APLP1: variants seen among roughly 807,000 people sequenced by gnomAD.
APLP1 encodes the protein amyloid beta (A4) precursor-like protein 1.
Under a neutral mutation model 84.5 loss-of-function variants are expected in APLP1, and 46 were observed. The observed-to-expected ratio is 0.54, with a 90% CI of 0.43 to 0.70. The LOEUF (loss-of-function observed/expected upper bound fraction) is 0.70. APLP1 is among the 30% of genes least tolerant of loss of function. The pLI is 0.00. For synonymous variants in APLP1, 376 were observed against 364.0 expected (o/e 1.03, Z -0.38); for missense variants, 826 against 900.2 (o/e 0.92, Z 1.05).
In APLP1 at chr19:35,868,756, G is replaced by A; in HGVS notation, c.120G>A (p.Leu40=). ...GCGCGCAGCCCGCCATCGGGAGCCT[G>A]GCCGGTGGGAGCCCCGGCGCGGCCG... ...LLRAQPAIGS[L]AGGSPGAAEA... is the part of the protein sequence containing the mutation. The change falls in exon 1 of 17, where the codon CTG becomes CTA. Residue 40 remains leucine, a synonymous_variant. Coordinates refer to ENST00000221891, the MANE Select transcript of APLP1 (RefSeq NM_001024807.3). The surrounding 1 kb of genome is among the most constrained non-coding windows in gnomAD (Gnocchi z 5.2). 1 of 1,351,436 alleles carries A rather than the reference G, an allele frequency of 7.4e-7. No individual in the cohort carries two copies. Among genetic ancestry groups the A allele is most frequent in the Non-Finnish European group, 9.5e-7 (1 of 1,055,008 alleles). The allele number at this position is 1,351,436 out of a possible 1,614,324, so 83.7% of individuals were successfully genotyped here.
intron 6 of APLP1, among the ~76,000 whole-genome samples, 190 bp from the exon 7 acceptor site, chr19:35,872,293 G>A (rs1974174002): frequency 6.6e-6 from 1 of 152,136 alleles, no homozygotes; most frequent in African/African-American, 2.4e-5. Context: ...GGAAGATGGT[G>A]TAATGGATTC....
At chr19:35,871,776 TCAAGGTTC>T in intron 5 of APLP1, 31 bp downstream of exon 5, 1 of 1,613,834 alleles carries the variant, frequency 6.2e-7, no homozygotes, top group South Asian at 1.1e-5. Context: ...CATGCCCATC[TCAAGGTTC>T]CTGAGGCAGG....
At chr19:35,876,384 T>C in intron 10 of APLP1, 133 bp from the exon 11 acceptor site, 1 of 751,690 alleles carries the variant, frequency 1.3e-6, no homozygotes, top group Non-Finnish European at 2.3e-6. Flanking sequence ...TCCTAACCCT[T>C]GTACCACACA....
At chr19:35,869,417 C>T (rs1364791360) in intron 1 of APLP1, 11 of 652,306 alleles carry the variant, frequency 1.7e-5, no homozygotes, top group Non-Finnish European at 2.7e-5. Flanking sequence ...GGGGTGGGGG[C>T]GGAGTCTGTC....
chr19:35,872,963 G>A (rs932967891), intron 7 of APLP1, among the ~76,000 whole-genome samples: 5 of 151,774 alleles, frequency 3.3e-5, no homozygotes, highest in African/African-American at 1.2e-4. Context: ...GGGCTCCAGC[G>A]ATTCCCCTTC....
At position 35,868,685 on chromosome 19, in the gene APLP1, C is replaced by G; in HGVS notation, c.49C>G (p.Gln17Glu). The change falls in exon 1 of 17, where the codon CAG (glutamine) becomes GAG (glutamate). Residue 17 changes from glutamine to glutamate, a missense_variant. This residue lies in a region of APLP1 where 383 missense variants were observed against 378.3 expected (regional missense o/e 1.01). Transcript: ENST00000221891. This position sits in a 1 kb window ranked among gnomAD's most constrained non-coding sequence, Gnocchi z 5.2. ...TCGCGGTCTAAGTCGCCGCCCGGGC[C>G]AGCCGCCGCTGCCGCTGCTGCTGCC... ...AARGLSRRPG[Q>E]PPLPLLLPLL... 1 of 1,409,090 alleles carries G rather than the reference C, an allele frequency of 7.1e-7. No homozygotes were observed. Among genetic ancestry groups the G allele is most frequent in the South Asian group, 1.5e-5 (1 of 67,138 alleles). The allele number at this position is 1,409,090 out of a possible 1,614,324, so 87.3% of individuals were successfully genotyped here.
chr19:35,877,730 A>G lies in APLP1; in HGVS notation c.1457A>G (p.His486Arg). ...ATGTCCCCCTCAGAGGAACTCCTCC[A>G]CTCTGAACACCTGGGTCCCAGTGAA... ...ELRPQIQELL[H>R]SEHLGPSELE... The change falls in exon 12 of 17, where the codon CAC (histidine) becomes CGC (arginine). Residue 486 changes from histidine (H) to arginine (R), a missense_variant. By Grantham distance (29) the His-to-Arg change is conservative. Coordinates refer to ENST00000221891, the MANE Select transcript of APLP1 (RefSeq NM_001024807.3). 1 of 1,612,388 alleles carries G rather than the reference A, an allele frequency of 6.2e-7. No individual in the cohort carries two copies. Among genetic ancestry groups the G allele is most frequent in the Non-Finnish European group, 8.5e-7 (1 of 1,179,204 alleles).
In APLP1 at chr19:35,871,146, G is replaced by A; in HGVS notation, c.425-91G>A. On this transcript the variant is annotated intron_variant, in intron 3 of 16. Transcript: ENST00000221891. ...GTGCTTGTGTCCTAAGTGGGGCAGA[G>A]AAGCCTCTGAGGATAAAATATCTGG... 2.0e-6 allele frequency: 3 copies of A among 1,527,708 alleles called. No homozygotes were observed. In the South Asian group the frequency reaches 3.7e-5, roughly 19 times the overall value. The allele number at this position is 1,527,708 out of a possible 1,614,324, so 94.6% of individuals were successfully genotyped here.
At chr19:35,872,792 G>A (rs1004342236) in intron 7 of APLP1, among the ~76,000 whole-genome samples, 179 bp downstream of exon 7, 2 of 151,416 alleles carry the variant, frequency 1.3e-5, no homozygotes, top group African/African-American at 2.4e-5. Context: ...ATCCCACTGA[G>A]ACGCTACCAG....
At position 35,872,013 on chromosome 19, in the gene APLP1, A is replaced by G. The variant is rs1974165124; in HGVS notation, c.827A>G (p.His276Arg). The G allele has an allele frequency of 3.1e-6, 5 of 1,613,868 alleles. No homozygotes were observed. In the South Asian group the frequency reaches 4.4e-5, roughly 14 times the overall value. Residue 276 changes from histidine to arginine, a missense_variant, in exon 6 of 17, where the codon CAT becomes CGT. Transcript: ENST00000221891. The stretch of plus-strand genomic sequence containing the variant: ...GAAACGGTCCCACCCCCAAGCTCCC[A>G]TACACTTGCAGTGGTCGGCAAAGGT... Reference protein sequence around the residue: ...EEETVPPPSSHTLAVVGKVTP... With the variant: ...EEETVPPPSSRTLAVVGKVTP...
intron 4 of APLP1, 72 bp from the exon 5 acceptor site, chr19:35,871,540 C>A: frequency 6.3e-7 from 1 of 1,584,928 alleles, no homozygotes. Flanking sequence ...AACCCCCAAC[C>A]CTGGCAGCCC....
At chr19:35,877,658 G>A (rs1349997168) in intron 11 of APLP1, 60 bp from the exon 12 acceptor site, 3 of 1,168,928 alleles carry the variant, frequency 2.6e-6, no homozygotes, top group African/African-American at 1.6e-5. Context: ...TACTGGTAGG[G>A]TGCCCTCCAC....
rs982194781 is a variant in APLP1, at chr19:35,868,841, G to A, written c.147+58G>A. Reference sequence around the variant, plus strand: ...AAGGGGCGGGACCGGGTCTCTGGACGCCGGCGCGGACATGTCCAGGGCAGA... The same window carrying A: ...AAGGGGCGGGACCGGGTCTCTGGACACCGGCGCGGACATGTCCAGGGCAGA... On this transcript the variant is annotated intron_variant, in intron 1 of 16. Transcript: ENST00000221891. The surrounding 1 kb of genome is among the most constrained non-coding windows in gnomAD (Gnocchi z 5.2). The A allele has an allele frequency of 2.4e-4, 298 of 1,248,234 alleles. 1 individual carries two copies. Among genetic ancestry groups the A allele is most frequent in the Non-Finnish European group, 2.7e-4 (269 of 990,596 alleles). The allele number at this position is 1,248,234 out of a possible 1,614,324, so 77.3% of individuals were successfully genotyped here.
rs749154364 is a variant in APLP1 at position 35,879,345 on chromosome 19, G to A, written c.1860G>A (p.Val620=). The A allele has an allele frequency of 2.5e-6, 4 of 1,613,942 alleles. No homozygotes were observed. In the Admixed American group the frequency reaches 6.7e-5, roughly 27 times the overall value. Residue 620 remains valine (V), a splice_region_variant and synonymous_variant, in exon 17 of 17, where the codon GTG becomes GTA. Transcript: ENST00000221891. ...TTTCCCTCCCCTGCTCGTTGCAGGT[G>A]GACCCCATGCTGACCCTGGAGGAGC... ...YGAISHGVVE[V]DPMLTLEEQQ...
intron 13 of APLP1, 110 bp downstream of exon 13, chr19:35,878,218 A>G (rs1599583675): frequency 1.6e-6 from 2 of 1,241,806 alleles, no homozygotes; most frequent in East Asian, 4.7e-5. Context: ...GTAGAGTTTG[A>G]TGTACTTTCC....
chr19:35,872,071 C>T, intron 6 of APLP1, 35 bp downstream of exon 6: 1 of 1,593,782 alleles, frequency 6.3e-7, no homozygotes, highest in Non-Finnish European at 8.6e-7. Context: ...GGCCTCTCCA[C>T]CATAGAGGGA....
intron 1 of APLP1, 21 bp from the exon 2 acceptor site, chr19:35,869,646 G>A (rs780393571): frequency 1.2e-6 from 2 of 1,610,674 alleles, no homozygotes; most frequent in East Asian, 4.5e-5. Flanking sequence ...AGCCCTCACT[G>A]TCCTTTCCAC....
Position 35,874,385 on chromosome 19 carries a change from C to A in APLP1, c.1057-119C>A. On this transcript the variant is annotated intron_variant, in intron 8 of 16. Coordinates refer to ENST00000221891, the MANE Select transcript of APLP1 (RefSeq NM_001024807.3). The surrounding 1 kb of genome is among the most constrained non-coding windows in gnomAD (Gnocchi z 6.4). The stretch of plus-strand genomic sequence containing the variant: ...TCCAGTCCATAACCTTTGGTTCTGC[C>A]CAGGCCTGGACCCCTGGAACGCCCC... 1 of 1,279,296 alleles carries A rather than the reference C, an allele frequency of 7.8e-7. No individual in the cohort carries two copies. Among genetic ancestry groups the A allele is most frequent in the Non-Finnish European group, 1.1e-6 (1 of 909,592 alleles). The allele number at this position is 1,279,296 out of a possible 1,614,324, so 79.2% of individuals were successfully genotyped here.
At chr19:35,869,598 A>C (rs776302533) in intron 1 of APLP1, 69 bp from the exon 2 acceptor site, 1 of 1,585,728 alleles carries the variant, frequency 6.3e-7, no homozygotes, top group South Asian at 1.1e-5. Context: ...GGTCCTAGGG[A>C]GCAAAGAACC....
Sources: allele counts gnomAD v4.1 joint callset (sites outside exome capture counted in the v4.1 genomes callset), GRCh38; gene constraint gnomAD v4.1.1; regional missense constraint gnomAD v4.1.1; non-coding constraint Gnocchi (gnomAD v3.1); transcripts MANE v1.5; gene names NCBI Gene and HGNC (gene_info 2026-07-23, HGNC 2026-07-21).